Variants in ZBTB46 observed in about 807,000 individuals in gnomAD.
The protein encoded by ZBTB46 is zinc finger and BTB domain-containing protein 46.
Under a neutral mutation model 44.1 loss-of-function variants are expected in ZBTB46, and 8 were observed. The observed-to-expected ratio is 0.18, with a 90% CI of 0.11 to 0.33. ZBTB46 has a LOEUF of 0.33. Ranked by LOEUF, ZBTB46 falls within the 10% of genes least tolerant of loss-of-function variation. The pLI is 1.00. For synonymous variants in ZBTB46, 409 were observed against 382.3 expected, an observed-to-expected ratio of 1.07 and a Z score of -0.81; for missense variants, 651 against 847.7, an observed-to-expected ratio of 0.77 and a Z score of 2.88.
rs144086739 is a variant in ZBTB46 at position 63,823,858 on chromosome 20, T to TTCTG, written c.-34+7238_-34+7239insCAGA. On this transcript the variant is annotated intron_variant, in intron 1 of 4. Transcript: ENST00000245663. ...TCCTGACCTTTGTCCTCTAGGAACC[T>TTCTG]TGTGTGTGTGTGTGTGTGTGTGTGT... 4.4e-3 allele frequency among the ~76,000 whole-genome samples: 638 copies of TTCTG among 144,812 alleles called. 6 individuals carry two copies. Among genetic ancestry groups the TTCTG allele is most frequent in the African/African-American group, 0.015 (588 of 38,466 alleles).
At chr20:63,774,689 GTTT>G (rs1292458776) in intron 3 of ZBTB46, among the ~76,000 whole-genome samples, 1 of 44,138 alleles carries the variant, frequency 2.3e-5, no homozygotes, top group African/African-American at 1.0e-4. Flanking sequence ...GCTGCGGTGG[GTTT>G]TTTTTGTTTT....
Position 63,746,716 on chromosome 20 carries a change from A to C in ZBTB46, c.*214T>G. On this transcript the variant is annotated 3_prime_UTR_variant, in exon 5 of 5. Coordinates refer to ENST00000245663, the MANE Select transcript of ZBTB46 (RefSeq NM_001369741.1). ...TCAAACCCACCCTGTGCCCTCCCCC[A>C]ACTCACTTCATGTCTGGTCCCAGAG... The C allele has an allele frequency of 1.5e-6, 1 of 666,858 alleles. No individual in the cohort carries two copies. Among genetic ancestry groups the C allele is most frequent in the Non-Finnish European group, 2.3e-6 (1 of 435,658 alleles). 41.3% of individuals were successfully genotyped at this position (666,858 alleles called of 1,614,324 possible).
chr20:63,774,479 C>G (rs186545859), intron 3 of ZBTB46, among the ~76,000 whole-genome samples: 4 of 152,320 alleles, frequency 2.6e-5, no homozygotes, highest in Admixed American at 2.6e-4. Flanking sequence ...GTCCACACCA[C>G]TCAGCACGCC....
intron 1 of ZBTB46, among the ~76,000 whole-genome samples, chr20:63,826,455 G>A (rs537669209): frequency 3.5e-4 from 54 of 152,262 alleles, no homozygotes; most frequent in African/African-American, 1.2e-3. Flanking sequence ...GGGCACGGTG[G>A]CTCATGCCTG....
chr20:63,748,012 G>A (rs1160117729), intron 4 of ZBTB46, among the ~76,000 whole-genome samples: 1 of 152,234 alleles, frequency 6.6e-6, no homozygotes, highest in African/African-American at 2.4e-5. Context: ...CTGCCAGCCG[G>A]GCAGGTGGGC....
chr20:63,750,435 C>T (rs1206877244), intron 4 of ZBTB46, among the ~76,000 whole-genome samples: 4 of 151,574 alleles, frequency 2.6e-5, no homozygotes, highest in South Asian at 2.1e-4. Flanking sequence ...GACAGAGTCT[C>T]GCAATTTTGC....
chr20:63,747,506 GGGGC>G (rs1447798113), intron 4 of ZBTB46, among the ~76,000 whole-genome samples: 1 of 49,348 alleles, frequency 2.0e-5, no homozygotes, highest in Admixed American at 2.2e-4. Context: ...GGTTGGGAGG[GGGGC>G]CAGGGGGTGA....
chr20:63,785,680 T>G (rs544137483), intron 2 of ZBTB46, among the ~76,000 whole-genome samples: 12 of 152,316 alleles, frequency 7.9e-5, no homozygotes, highest in African/African-American at 2.9e-4. Flanking sequence ...GGGATCATGA[T>G]CTACTTCCAA....
At chr20:63,816,391 C>A in intron 1 of ZBTB46, 1 of 163,940 alleles carries the variant, frequency 6.1e-6, no homozygotes, top group East Asian at 2.0e-4. Flanking sequence ...TCTCCCCCAT[C>A]TGCATAACCC....
rs1264358955 is a variant in ZBTB46, at chr20:63,746,948, G to A, written c.1752C>T (p.Asp584=). 1.3e-6 allele frequency: 2 copies of A among 1,575,038 alleles called. No individual in the cohort carries two copies. The highest frequency in any genetic ancestry group is 1.2e-5 in the South Asian group (1 of 86,536). The change falls in exon 5 of 5, where the codon GAC becomes GAT. Residue 584 remains aspartate, a synonymous_variant. Coordinates refer to ENST00000245663, the MANE Select transcript of ZBTB46 (RefSeq NM_001369741.1). The part of the protein sequence containing the change: ...PRSPPGGPDK[D]FAWLS ...GGCGGGCCTAGGAGAGCCAGGCGAAGTCCTTGTCAGGGCCTCCTGGGGGGC... is the reference window on the plus strand; with the variant it reads ...GGCGGGCCTAGGAGAGCCAGGCGAAATCCTTGTCAGGGCCTCCTGGGGGGC...
chr20:63,825,358 G>A lies in ZBTB46; in HGVS notation c.-34+5739C>T, dbSNP rs558161907. Among the ~76,000 whole-genome samples the A allele has an allele frequency of 1.1e-4, 16 of 144,858 alleles. No individual in the cohort carries two copies. In the South Asian group the frequency reaches 2.9e-3, roughly 26 times the overall value. On this transcript the variant is annotated intron_variant, in intron 1 of 4. Coordinates refer to ENST00000245663, the MANE Select transcript of ZBTB46 (RefSeq NM_001369741.1). Reference sequence around the variant, plus strand: ...AGAGGTTGTAATGAGCCGAGATCTCGTCACTGCACTCCAGCCTGGGGGACA... The same window carrying A: ...AGAGGTTGTAATGAGCCGAGATCTCATCACTGCACTCCAGCCTGGGGGACA...
intron 1 of ZBTB46, among the ~76,000 whole-genome samples, chr20:63,801,286 T>C (rs910602640): frequency 1.3e-5 from 2 of 152,322 alleles, no homozygotes; most frequent in East Asian, 3.9e-4. Context: ...TCAAGGTTTG[T>C]GAATGCACCA....
chr20:63,806,956 G>A (rs1435926132), intron 1 of ZBTB46, among the ~76,000 whole-genome samples: 2 of 152,050 alleles, frequency 1.3e-5, no homozygotes, highest in Non-Finnish European at 2.9e-5. Flanking sequence ...CTAATTTTTT[G>A]TATTTTTAGT....
At chr20:63,829,406 C>CCTGAAGGCAAGGCGG (rs1293523425) in intron 1 of ZBTB46, among the ~76,000 whole-genome samples, 1 of 152,264 alleles carries the variant, frequency 6.6e-6, no homozygotes, top group Non-Finnish European at 1.5e-5. Flanking sequence ...CCCAGGCTGG[C>CCTGAAGGCAAGGCGG]CTGAAGGCAA....
rs1442928258 is a variant in ZBTB46, at chr20:63,803,776, C to T, written c.-33-12986G>A. ...AGGCTGGAGTGCAGTGGCGCAATCT[C>T]GGCTCACTGCAGCCTCAACCTCCCA... On this transcript the variant is annotated intron_variant, in intron 1 of 4. Coordinates refer to ENST00000245663, the MANE Select transcript of ZBTB46 (RefSeq NM_001369741.1). This position sits in a 1 kb window ranked among gnomAD's most constrained non-coding sequence, Gnocchi z 4.0. 6.6e-6 allele frequency among the ~76,000 whole-genome samples: 1 copy of T among 152,168 alleles called. No individual in the cohort carries two copies. The highest frequency in any genetic ancestry group is 2.4e-5 in the African/African-American group (1 of 41,426).
intron 1 of ZBTB46, among the ~76,000 whole-genome samples, chr20:63,805,077 TG>T (rs1429895720): frequency 2.6e-5 from 4 of 151,538 alleles, no homozygotes; most frequent in African/African-American, 9.7e-5. Flanking sequence ...CACACCACCA[TG>T]CCTGGCTAAT....
chr20:63,762,819 G>C (rs149622418), intron 3 of ZBTB46, among the ~76,000 whole-genome samples: 1 of 152,230 alleles, frequency 6.6e-6, no homozygotes, highest in Admixed American at 6.5e-5. Context: ...TTGCTATACT[G>C]ACTTTCTTTT....
chr20:63,749,888 G>A (rs963641204), intron 4 of ZBTB46, among the ~76,000 whole-genome samples: 2 of 152,244 alleles, frequency 1.3e-5, no homozygotes, highest in Admixed American at 6.5e-5. Context: ...GGGAACTCAT[G>A]CAAATGGGCA....
chr20:63,805,729 T>C (rs1458768447), intron 1 of ZBTB46, among the ~76,000 whole-genome samples: 1 of 151,144 alleles, frequency 6.6e-6, no homozygotes, highest in African/African-American at 2.4e-5. Context: ...AGGAAACTAA[T>C]ACACAAAGCC....
Sources: allele counts gnomAD v4.1 joint callset (sites outside exome capture counted in the v4.1 genomes callset), GRCh38; gene constraint gnomAD v4.1.1; non-coding constraint Gnocchi (gnomAD v3.1); transcripts MANE v1.5; gene names NCBI Gene and HGNC (gene_info 2026-07-23, HGNC 2026-07-21).